THSD4: variants seen among roughly 807,000 people sequenced by gnomAD.
THSD4 encodes the protein thrombospondin type-1 domain-containing protein 4.
In THSD4, 69 loss-of-function variants were observed where a neutral mutation model predicts 119.0. The ratio of observed to expected loss-of-function variants is 0.58; its 90% CI spans 0.48 to 0.71. The LOEUF is 0.71. Ranked by LOEUF, THSD4 falls within the 30% of genes least tolerant of loss-of-function variation. The pLI, the probability that THSD4 is intolerant of heterozygous loss-of-function variation, is 0.00. For missense variants in THSD4, 1,393 were observed against 1,391.1 expected (o/e 1.00, Z -0.02); for synonymous variants, 524 against 540.4 (o/e 0.97, Z 0.42).
chr15:71,409,886 G>GT (rs35006832), intron 6 of THSD4, among the ~76,000 whole-genome samples: 41,547 of 148,694 alleles, frequency 0.28, 6,995 homozygotes, highest in Middle Eastern at 0.43. Context: ...CTCCAAAACA[G>GT]TTTTTTTTTT....
intron 7 of THSD4, among the ~76,000 whole-genome samples, chr15:71,554,393 GT>G (rs777518082): frequency 6.7e-6 from 1 of 150,150 alleles, no homozygotes; most frequent in South Asian, 2.1e-4. Flanking sequence ...CCATGCCCCG[GT>G]TTTTTTTGTT....
intron 8 of THSD4, among the ~76,000 whole-genome samples, chr15:71,695,362 AGTGT>A (rs997504924): frequency 2.0e-5 from 3 of 150,696 alleles, no homozygotes; most frequent in African/African-American, 7.3e-5. Context: ...TGTATGTATG[AGTGT>A]GTGTGTATGT....
At chr15:71,737,535 T>A (rs192028248) in intron 10 of THSD4, among the ~76,000 whole-genome samples, 197 bp from the exon 11 acceptor site, 1 of 152,364 alleles carries the variant, frequency 6.6e-6, no homozygotes, top group Non-Finnish European at 1.5e-5. Flanking sequence ...CGTCTTTGTC[T>A]TATTGATTTT....
At chr15:71,487,182 G>A (rs1173706426) in intron 7 of THSD4, among the ~76,000 whole-genome samples, 3 of 152,204 alleles carry the variant, frequency 2.0e-5, no homozygotes, top group Non-Finnish European at 2.9e-5. Context: ...GACACCTTGG[G>A]ATTTCCCTTT....
At chr15:71,132,829 G>A (rs984001840) in intron 1 of THSD4, among the ~76,000 whole-genome samples, 1 of 152,218 alleles carries the variant, frequency 6.6e-6, no homozygotes, top group Admixed American at 6.5e-5. Flanking sequence ...CTCATGCACA[G>A]ATGTACACAC....
At chr15:71,653,936 G>GCCCATCTCCCTCTCA (rs869241134) in intron 7 of THSD4, among the ~76,000 whole-genome samples, 1 of 73,516 alleles carries the variant, frequency 1.4e-5, no homozygotes, top group Admixed American at 1.3e-4. Context: ...CACAGGACTC[G>GCCCATCTCCCTCTCA]ACATTTACAA....
At chr15:71,466,213 G>C (rs1004308531) in intron 7 of THSD4, among the ~76,000 whole-genome samples, 3 of 151,808 alleles carry the variant, frequency 2.0e-5, no homozygotes, top group Non-Finnish European at 4.4e-5. Flanking sequence ...TTAGCTGGGC[G>C]TGGTAGCTGT....
intron 6 of THSD4, among the ~76,000 whole-genome samples, chr15:71,302,910 G>T (rs1456940044): frequency 6.6e-6 from 1 of 152,070 alleles, no homozygotes; most frequent in Non-Finnish European, 1.5e-5. Context: ...GCCCAGGAGG[G>T]TCTTGCAGTC....
chr15:71,223,513 A>G (rs990932726), intron 4 of THSD4, among the ~76,000 whole-genome samples: 2 of 152,156 alleles, frequency 1.3e-5, no homozygotes, highest in African/African-American at 4.8e-5. Context: ...TCATTCACAT[A>G]CTTATTTGCT....
intron 7 of THSD4, among the ~76,000 whole-genome samples, chr15:71,584,874 T>A (rs9672638): frequency 0.031 from 4,707 of 152,278 alleles, 274 homozygotes; most frequent in African/African-American, 0.11. Flanking sequence ...CTAGTTTTTA[T>A]CTTCATGATT....
intron 7 of THSD4, among the ~76,000 whole-genome samples, chr15:71,529,322 A>G (rs1198015772): frequency 2.0e-5 from 3 of 152,248 alleles, no homozygotes; most frequent in South Asian, 2.1e-4. Context: ...AATAAACTTG[A>G]TGAAACAGGA....
intron 1 of THSD4, among the ~76,000 whole-genome samples, chr15:71,137,886 T>G (rs1244877662): frequency 6.6e-6 from 1 of 152,232 alleles, no homozygotes; most frequent in Non-Finnish European, 1.5e-5. Context: ...GGTTATTTAT[T>G]TTGTTACTAT....
chr15:71,718,290 A>G (rs1045465285), intron 8 of THSD4, among the ~76,000 whole-genome samples: 6 of 152,178 alleles, frequency 3.9e-5, no homozygotes, highest in South Asian at 2.1e-4. Flanking sequence ...TTGGGCTACA[A>G]TGAGACCCAT....
intron 11 of THSD4, among the ~76,000 whole-genome samples, chr15:71,738,525 A>G (rs1457905922): frequency 6.6e-5 from 10 of 152,198 alleles, no homozygotes; most frequent in African/African-American, 2.2e-4. Flanking sequence ...AGCTGTTACA[A>G]TTCATCACAG....
chr15:71,097,729 T>TATA (rs60101087), intron 1 of THSD4, among the ~76,000 whole-genome samples: 15 of 92,448 alleles, frequency 1.6e-4, no homozygotes, highest in East Asian at 6.9e-4. Flanking sequence ...TATATATATA[T>TATA]TTTTTTTTTT....
At chr15:71,289,231 C>T (rs1007458483) in intron 6 of THSD4, among the ~76,000 whole-genome samples, 1 of 152,062 alleles carries the variant, frequency 6.6e-6, no homozygotes, top group Non-Finnish European at 1.5e-5. Context: ...TCCCAGGACC[C>T]CATGGATGCT....
In THSD4 at chr15:71,153,688, C is replaced by T. The variant is rs969104331; in HGVS notation, c.30-1175C>T. On this transcript the variant is annotated intron_variant, in intron 2 of 17. Transcript: ENST00000261862. ...CAGGTTTTCCTCATCTCCACCCTGA[C>T]GTGATGGTTTTTCTTGGTTCGGGGC... 5.3e-5 allele frequency among the ~76,000 whole-genome samples: 8 copies of T among 152,118 alleles called. 1 individual carries two copies. Among genetic ancestry groups the T allele is most frequent in the African/African-American group, 1.7e-4 (7 of 41,432 alleles).
chr15:71,427,043 C>A (rs36098907), intron 7 of THSD4, among the ~76,000 whole-genome samples: 27,605 of 151,980 alleles, frequency 0.18, 2,899 homozygotes, highest in Non-Finnish European at 0.25. Flanking sequence ...AAACTGAAAC[C>A]TAACATAAAA....
intron 7 of THSD4, among the ~76,000 whole-genome samples, chr15:71,509,874 A>G (rs1040969734): frequency 6.6e-6 from 1 of 152,206 alleles, no homozygotes. Flanking sequence ...AATGATGAAA[A>G]CATTTAAATC....
Sources: gnomAD v4.1 joint callset for allele counts (sites outside exome capture counted in the v4.1 genomes callset) on GRCh38, gnomAD v4.1.1 for gene constraint, MANE v1.5 for transcripts, NCBI Gene and HGNC (gene_info 2026-07-23, HGNC 2026-07-21) for gene names.